The following ATP9B variants were observed in gnomAD, a reference collection of about 807,000 sequenced individuals.
ATP9B encodes ATPase phospholipid transporting 9B, also known as probable phospholipid-transporting ATPase IIB.
In ATP9B, 110 loss-of-function variants were observed where a neutral mutation model predicts 146.1. The observed-to-expected ratio is 0.75, with a 90% CI of 0.65 to 0.88. ATP9B has a LOEUF of 0.88. Ranked by LOEUF, ATP9B falls within the 40% of genes least tolerant of loss-of-function variation. The pLI, the probability that ATP9B is intolerant of heterozygous loss-of-function variation, is 0.00. For missense variants in ATP9B, 1,499 were observed against 1,496.4 expected, an observed-to-expected ratio of 1.00 and a Z score of -0.03; for synonymous variants, 604 against 569.7, an observed-to-expected ratio of 1.06 and a Z score of -0.86.
At chr18:79,233,020 G>A (rs566733788) in intron 11 of ATP9B, among the ~76,000 whole-genome samples, 10 of 152,232 alleles carry the variant, frequency 6.6e-5, no homozygotes, top group South Asian at 2.1e-4. Context: ...GGCCGGGCAC[G>A]GTGGCTCACG....
At chr18:79,189,438 G>A (rs1232897027) in intron 8 of ATP9B, among the ~76,000 whole-genome samples, 1 of 151,836 alleles carries the variant, frequency 6.6e-6, no homozygotes, top group Non-Finnish European at 1.5e-5. Context: ...GGGGTCAATT[G>A]TATCAATCCC....
At chr18:79,095,595 A>T (rs1042036442) in intron 1 of ATP9B, 1 of 152,182 alleles carries the variant, frequency 6.6e-6, no homozygotes, top group Non-Finnish European at 1.5e-5. Flanking sequence ...AGAGAATGTT[A>T]AAAAAGATTT....
intron 11 of ATP9B, among the ~76,000 whole-genome samples, chr18:79,221,710 G>C (rs2095678951): frequency 6.6e-6 from 1 of 152,124 alleles, no homozygotes; most frequent in Admixed American, 6.5e-5. Context: ...TACAGAGCCA[G>C]ACCCTGTCTC....
intron 15 of ATP9B, among the ~76,000 whole-genome samples, chr18:79,328,900 C>T (rs2096775423): frequency 6.6e-6 from 1 of 152,138 alleles, no homozygotes; most frequent in African/African-American, 2.4e-5. Flanking sequence ...TCTTTATGAT[C>T]CATAATGGTC....
chr18:79,175,197 CAAAAAA>C (rs536122117), intron 7 of ATP9B, among the ~76,000 whole-genome samples: 1 of 57,462 alleles, frequency 1.7e-5, no homozygotes, highest in Non-Finnish European at 3.8e-5. Context: ...GAGACTGTCT[CAAAAAA>C]AAAAAAAAAA....
intron 9 of ATP9B, 84 bp from the exon 10 acceptor site, chr18:79,206,853 C>A: frequency 7.8e-7 from 1 of 1,278,774 alleles, no homozygotes; most frequent in Non-Finnish European, 1.1e-6. Context: ...GCTTGTGGAC[C>A]TGTTTCTAAT....
intron 7 of ATP9B, among the ~76,000 whole-genome samples, chr18:79,174,549 A>G (rs747384036): frequency 4.6e-5 from 7 of 151,718 alleles, no homozygotes; most frequent in Non-Finnish European, 7.4e-5. Context: ...GTGTCTCTCA[A>G]ATCTGTTTTC....
Position 79,335,050 on chromosome 18 carries a change from C to T in ATP9B, c.2029-1578C>T, listed in dbSNP as rs114274928. On this transcript the variant is annotated intron_variant, in intron 17 of 29. Coordinates refer to ENST00000426216, the MANE Select transcript of ATP9B (RefSeq NM_198531.5). ...GGTGTCCTTCACGTCACCACAACCA[C>T]GTGAGGGAGGAACTGTTTTCACTTT... is the stretch of plus-strand genomic sequence containing the variant. Among the ~76,000 whole-genome samples, 992 of 152,120 alleles carry T rather than the reference C, an allele frequency of 6.5e-3. 5 individuals carry two copies. The highest frequency in any genetic ancestry group is 0.022 in the African/African-American group (929 of 41,374).
intron 19 of ATP9B, among the ~76,000 whole-genome samples, chr18:79,338,725 C>A (rs1313645864): frequency 2.0e-5 from 3 of 152,200 alleles, no homozygotes; most frequent in African/African-American, 7.2e-5. Flanking sequence ...TTTTATTTTT[C>A]AGGAGCTTTC....
intron 13 of ATP9B, among the ~76,000 whole-genome samples, chr18:79,302,730 A>G (rs1040875484): frequency 1.2e-4 from 19 of 152,286 alleles, no homozygotes; most frequent in African/African-American, 4.6e-4. Flanking sequence ...GGAAAACACT[A>G]AAGAAAAGCC....
At chr18:79,327,778 C>CTCCGTGGTTAGTGTGT (rs2096764439) in intron 15 of ATP9B, among the ~76,000 whole-genome samples, 1 of 134,148 alleles carries the variant, frequency 7.5e-6, no homozygotes, top group Non-Finnish European at 1.6e-5. Context: ...GGTTAACGTG[C>CTCCGTGGTTAGTGTGT]TCTCCGTGGT....
At chr18:79,091,094 A>G (rs524407) in intron 1 of ATP9B, among the ~76,000 whole-genome samples, 20,066 of 152,016 alleles carry the variant, frequency 0.13, 1,925 homozygotes, top group African/African-American at 0.27. Context: ...TTCACCATAG[A>G]TGTGTGGATT....
Position 79,307,040 on chromosome 18 carries a change from C to A in ATP9B, c.1579C>A (p.Gln527Lys). The A allele has an allele frequency of 1.2e-6, 2 of 1,614,176 alleles. No individual in the cohort carries two copies. The highest frequency in any genetic ancestry group is 1.7e-6 in the Non-Finnish European group (2 of 1,180,030). Reference protein sequence around the residue: ...NTGSTPLRKAQSSAPKVRKSV... With the variant: ...NTGSTPLRKAKSSAPKVRKSV... ...TGGTTCAACTCCACTAAGAAAAGCC[C>A]AATCTTCAGCTCCCAAAGTTAGGAA... Residue 527 changes from glutamine to lysine, a missense_variant, in exon 15 of 30, where the codon CAA becomes AAA. Coordinates refer to ENST00000426216, the MANE Select transcript of ATP9B (RefSeq NM_198531.5).
intron 9 of ATP9B, among the ~76,000 whole-genome samples, chr18:79,195,797 G>A (rs945978531): frequency 6.6e-6 from 1 of 152,182 alleles, no homozygotes; most frequent in Non-Finnish European, 1.5e-5. Flanking sequence ...GTAAAGAAGA[G>A]AGTCAAGGAA....
At chr18:79,264,049 C>T (rs12960819) in intron 12 of ATP9B, among the ~76,000 whole-genome samples, 59,698 of 151,900 alleles carry the variant, frequency 0.39, 12,489 homozygotes, top group Middle Eastern at 0.53. Flanking sequence ...CGCGCCACTG[C>T]ACTCCAGCCC....
In ATP9B at chr18:79,293,530, G is replaced by A. The variant is rs181794652; in HGVS notation, c.1412-10074G>A. On this transcript the variant is annotated intron_variant, in intron 13 of 29. Coordinates refer to ENST00000426216, the MANE Select transcript of ATP9B (RefSeq NM_198531.5). The stretch of plus-strand genomic sequence containing the variant: ...CTTGAGCCTCCTCCCATCATGGGGC[G>A]GCCTGCAGTGCCTCAGGACTCTGCA... Among the ~76,000 whole-genome samples, 375 of 152,246 alleles carry A rather than the reference G, an allele frequency of 2.5e-3. 6 individuals are homozygous for A. The highest frequency in any genetic ancestry group is 6.8e-3 in the Middle Eastern group (2 of 294).
chr18:79,327,513 T>C (rs370439653), intron 15 of ATP9B, among the ~76,000 whole-genome samples: 52 of 121,314 alleles, frequency 4.3e-4, no homozygotes, highest in South Asian at 8.3e-4. Flanking sequence ...GCTCTCTCCA[T>C]GGTTAGCGTG....
chr18:79,174,976 G>T (rs55743634), intron 7 of ATP9B, among the ~76,000 whole-genome samples: 9,301 of 152,038 alleles, frequency 0.061, 364 homozygotes, highest in Non-Finnish European at 0.092. Context: ...TGAGGTGGGT[G>T]GATCATGAGG....
At chr18:79,073,289 G>C (rs1342045717) in intron 1 of ATP9B, among the ~76,000 whole-genome samples, 1 of 152,178 alleles carries the variant, frequency 6.6e-6, no homozygotes, top group African/African-American at 2.4e-5. Context: ...GCTGGGAAGT[G>C]GAGGTTGTAG....
Sources: allele counts gnomAD v4.1 joint callset (sites outside exome capture counted in the v4.1 genomes callset), GRCh38; gene constraint gnomAD v4.1.1; transcripts MANE v1.5; gene names NCBI Gene and HGNC (gene_info 2026-07-23, HGNC 2026-07-21).